Variants in PBRM1 observed in about 807,000 individuals in gnomAD.
PBRM1 encodes the protein protein polybromo-1.
A neutral mutation model predicts 194.5 loss-of-function variants in PBRM1; 27 were observed. That is an observed-to-expected ratio of 0.14 (90% confidence interval 0.10 to 0.19). The LOEUF is 0.19. PBRM1 is among the 10% of genes least tolerant of loss of function. The pLI, the probability that PBRM1 is intolerant of heterozygous loss-of-function variation, is 1.00. For synonymous variants in PBRM1, 655 were observed against 693.2 expected, an observed-to-expected ratio of 0.94 and a Z score of 0.87; for missense variants, 1,466 against 2,077.2, an observed-to-expected ratio of 0.71 and a Z score of 5.72.
At chr3:52,620,964 T>C (rs1173472785) in intron 13 of PBRM1, among the ~76,000 whole-genome samples, 2 of 152,176 alleles carry the variant, frequency 1.3e-5, no homozygotes, top group Non-Finnish European at 2.9e-5. Flanking sequence ...GGCCCATTAG[T>C]TTTAATCCGG....
At chr3:52,618,318 C>A (rs1211570396) in intron 13 of PBRM1, among the ~76,000 whole-genome samples, 3 of 152,148 alleles carry the variant, frequency 2.0e-5, no homozygotes, top group African/African-American at 2.4e-5. Context: ...TAGATTAGAT[C>A]CAGAGTTCAA....
At chr3:52,592,122 GTTTTTTTT>G (rs1168998355) in intron 17 of PBRM1, among the ~76,000 whole-genome samples, 2 of 120,280 alleles carry the variant, frequency 1.7e-5, no homozygotes, top group Admixed American at 8.5e-5. Context: ...ACTGCACCAG[GTTTTTTTT>G]TTTTTTTTTT....
chr3:52,657,618 C>T (rs1022744175), intron 5 of PBRM1, among the ~76,000 whole-genome samples: 1 of 151,930 alleles, frequency 6.6e-6, no homozygotes, highest in African/African-American at 2.4e-5. Flanking sequence ...TACAGGCACA[C>T]ACCATCACAC....
chr3:52,661,928 C>T (rs2096733929), intron 4 of PBRM1, among the ~76,000 whole-genome samples: 2 of 152,306 alleles, frequency 1.3e-5, no homozygotes, highest in South Asian at 4.1e-4. Flanking sequence ...AAAATTACCA[C>T]ACATGGCACA....
At chr3:52,607,432 C>G (rs2094405264) in intron 16 of PBRM1, among the ~76,000 whole-genome samples, 1 of 152,080 alleles carries the variant, frequency 6.6e-6, no homozygotes, top group African/African-American at 2.4e-5. Context: ...ACAACCATGT[C>G]AACAATGGGA....
At chr3:52,576,123 A>G (rs2089522802) in intron 22 of PBRM1, among the ~76,000 whole-genome samples, 1 of 152,140 alleles carries the variant, frequency 6.6e-6, no homozygotes. Context: ...CGTTAAGTAT[A>G]ATGGGAGTTC....
chr3:52,651,659 C>G, intron 6 of PBRM1, 83 bp downstream of exon 7: 1 of 694,258 alleles, frequency 1.4e-6, no homozygotes, highest in East Asian at 2.8e-5. Context: ...CAACTAGCTT[C>G]TCTGTTTTCT....
chr3:52,562,022 C>G, intron 24 of PBRM1, 54 bp from the exon 27 acceptor site: 1 of 1,457,756 alleles, frequency 6.9e-7, no homozygotes, highest in Non-Finnish European at 9.6e-7. Flanking sequence ...TGGTTAACTG[C>G]TCAAAATTTC....
chr3:52,653,589 CA>C (rs71087003), intron 5 of PBRM1, among the ~76,000 whole-genome samples: 60,922 of 120,254 alleles, frequency 0.51, 13,400 homozygotes, highest in Middle Eastern at 0.62. Context: ...AATTCTGTCT[CA>C]AAAAAAAAAA....
intron 10 of PBRM1, among the ~76,000 whole-genome samples, 164 bp downstream of exon 11, chr3:52,641,790 A>G (rs1240273616): frequency 6.6e-6 from 1 of 152,212 alleles, no homozygotes; most frequent in African/African-American, 2.4e-5. Context: ...AAGATAAAGC[A>G]TTAACCTTTT....
downstream of PBRM1, chr3:52,545,590 T>C: frequency 4.3e-6 from 1 of 232,982 alleles, no homozygotes; most frequent in South Asian, 1.8e-4. Flanking sequence ...CAATTCTTCC[T>C]CATAGGAAGG....
intron 12 of PBRM1, among the ~76,000 whole-genome samples, chr3:52,628,126 T>A (rs1005049415): frequency 3.9e-5 from 6 of 152,188 alleles, no homozygotes; most frequent in Non-Finnish European, 5.9e-5. Context: ...GATAAATTCA[T>A]AGACAATATA....
At chr3:52,651,660 T>C in intron 6 of PBRM1, 82 bp downstream of exon 7, 1 of 702,526 alleles carries the variant, frequency 1.4e-6, no homozygotes, top group South Asian at 2.2e-5. Context: ...AACTAGCTTC[T>C]CTGTTTTCTA....
At chr3:52,591,061 TG>T (rs1416213443) in intron 17 of PBRM1, among the ~76,000 whole-genome samples, 2 of 152,226 alleles carry the variant, frequency 1.3e-5, no homozygotes, top group Non-Finnish European at 2.9e-5. Flanking sequence ...GCTCTTGGCT[TG>T]GCTGCTATTG....
chr3:52,657,262 G>C (rs1013087231), intron 5 of PBRM1, among the ~76,000 whole-genome samples: 2 of 151,940 alleles, frequency 1.3e-5, no homozygotes, highest in Non-Finnish European at 2.9e-5. Flanking sequence ...CCACAGAACT[G>C]TACACTTAAA....
At chr3:52,619,390 C>T (rs1029396205) in intron 13 of PBRM1, among the ~76,000 whole-genome samples, 9 of 152,138 alleles carry the variant, frequency 5.9e-5, no homozygotes, top group Non-Finnish European at 1.0e-4. Context: ...CTCTAAATTA[C>T]TTATAATACC....
At chr3:52,680,895 G>A (rs1690953698), upstream of PBRM1, among the ~76,000 whole-genome samples, 2 of 151,610 alleles carry the variant, frequency 1.3e-5, no homozygotes. Flanking sequence ...TCTTGACCTC[G>A]TGATCCGCCC....
chr3:52,603,707 C>T (rs780302565), exon 17 of PBRM1: 3 of 1,604,982 alleles, frequency 1.9e-6, no homozygotes, highest in East Asian at 2.2e-5. Flanking sequence ...AGTTCTACTG[C>T]ATCTTCATAT....
At chr3:52,603,798 T>C (rs932492381) in intron 16 of PBRM1, 66 bp from the exon 19 acceptor site, 10 of 1,256,670 alleles carry the variant, frequency 8.0e-6, no homozygotes, top group Middle Eastern at 5.3e-4. Context: ...CAATTATATG[T>C]TAAATTCTAT....
Sources: allele counts gnomAD v4.1 joint callset (sites outside exome capture counted in the v4.1 genomes callset), GRCh38; gene constraint gnomAD v4.1.1; transcripts MANE v1.5; gene names NCBI Gene and HGNC (gene_info 2026-07-23, HGNC 2026-07-21).